The following TOP3A variants were observed in gnomAD, a reference collection of about 807,000 sequenced individuals.
TOP3A encodes DNA topoisomerase 3-alpha.
TOP3A carries 64 observed loss-of-function variants against 111.3 expected under a neutral mutation model. The observed-to-expected ratio is 0.57, with a 90% CI of 0.47 to 0.71. The LOEUF (loss-of-function observed/expected upper bound fraction) is 0.71. Ranked by LOEUF, TOP3A falls within the 30% of genes least tolerant of loss-of-function variation. The pLI, the probability that TOP3A is intolerant of heterozygous loss-of-function variation, is 0.00. For missense variants in TOP3A, 1,104 were observed against 1,285.0 expected (o/e 0.86, Z 2.15); for synonymous variants, 484 against 485.1 (o/e 1.00, Z 0.03).
chr17:18,288,155 T>TAAA (rs1567739509), intron 13 of TOP3A, among the ~76,000 whole-genome samples: 10 of 87,024 alleles, frequency 1.1e-4, no homozygotes, highest in African/African-American at 4.6e-4. Context: ...ATATAAATTT[T>TAAA]TTTTTTTTTT....
intron 11 of TOP3A, among the ~76,000 whole-genome samples, chr17:18,291,352 G>A (rs1180690903): frequency 1.3e-5 from 2 of 152,210 alleles, no homozygotes; most frequent in African/African-American, 4.8e-5. Context: ...TCAAATACAA[G>A]AGACAGCAAC....
intron 1 of TOP3A, among the ~76,000 whole-genome samples, chr17:18,314,370 A>G (rs942294864): frequency 4.6e-5 from 7 of 152,372 alleles, no homozygotes; most frequent in East Asian, 1.9e-4. Context: ...GCTAAGCGCA[A>G]GCAAAACAAA....
intron 15 of TOP3A, 56 bp downstream of exon 15, chr17:18,285,086 C>T: frequency 1.9e-6 from 3 of 1,591,020 alleles, no homozygotes; most frequent in South Asian, 2.2e-5. Flanking sequence ...GCCAGGAGTT[C>T]AAGACCAGCC....
chr17:18,311,194 G>A (rs1200326380), intron 1 of TOP3A, among the ~76,000 whole-genome samples: 2 of 151,882 alleles, frequency 1.3e-5, no homozygotes, highest in Non-Finnish European at 2.9e-5. Context: ...TAGAGACAGG[G>A]TTTCACCGTG....
chr17:18,301,175 G>A (rs1298801542), intron 8 of TOP3A, among the ~76,000 whole-genome samples: 1 of 152,188 alleles, frequency 6.6e-6, no homozygotes, highest in Non-Finnish European at 1.5e-5. Context: ...GCATGACTCT[G>A]TGCAGCCCCT....
intron 1 of TOP3A, among the ~76,000 whole-genome samples, chr17:18,313,913 C>T (rs1005206564): frequency 3.3e-5 from 5 of 152,216 alleles, no homozygotes; most frequent in African/African-American, 1.2e-4. Context: ...GAGATATTTT[C>T]CTGGACAGCT....
chr17:18,305,538 A>G (rs1183605876), intron 4 of TOP3A, among the ~76,000 whole-genome samples: 3 of 152,048 alleles, frequency 2.0e-5, no homozygotes, highest in Non-Finnish European at 4.4e-5. Context: ...ATTATGACCT[A>G]GTTAAAAAAA....
chr17:18,277,771 C>T lies in TOP3A; in HGVS notation c.2731G>A (p.Asp911Asn). The T allele has an allele frequency of 1.2e-6, 2 of 1,614,240 alleles. No individual in the cohort carries two copies. The highest frequency in any genetic ancestry group is 1.7e-6 in the Non-Finnish European group (2 of 1,180,050). ...AACTGGCGCCCCTTGTTGGGTCCAT[C>T]CTTCTGCACAGTCCGTGTGACGGAG... The part of the protein sequence containing the change: ...QPSVTRTVQK[D>N]GPNKGRQFHT... Residue 911 changes from aspartate to asparagine, a missense_variant, in exon 18 of 19, where the codon GAT becomes AAT. Transcript: ENST00000321105.
chr17:18,279,036 G>A (rs1005936651), intron 17 of TOP3A, among the ~76,000 whole-genome samples: 1 of 152,158 alleles, frequency 6.6e-6, no homozygotes, highest in Non-Finnish European at 1.5e-5. Context: ...GTATACAACG[G>A]AGTTTCCTGG....
Position 18,285,284 on chromosome 17 carries a change from T to C in TOP3A, c.1735A>G (p.Met579Val), listed in dbSNP as rs1475365637. Reference protein sequence around the residue: ...VEGYDSMGYEMSKPDLRAELE... With the variant: ...VEGYDSMGYEVSKPDLRAELE... ...TCAGCCCGGAGGTCAGGCTTAGACATTTCATAGCCCATGGAATCATAACCT... is the reference window on the plus strand; with the variant it reads ...TCAGCCCGGAGGTCAGGCTTAGACACTTCATAGCCCATGGAATCATAACCT... Residue 579 changes from methionine to valine, a missense_variant, in exon 15 of 19, where the codon ATG becomes GTG. Physicochemically the swap from Met to Val is conservative, Grantham distance 21 (BLOSUM62 1). Transcript: ENST00000321105. The C allele has an allele frequency of 6.2e-7, 1 of 1,614,130 alleles. No homozygotes were observed. Among genetic ancestry groups the C allele is most frequent in the South Asian group, 1.1e-5 (1 of 91,076 alleles).
intron 9 of TOP3A, among the ~76,000 whole-genome samples, chr17:18,295,467 A>T (rs572960014): frequency 1.2e-4 from 17 of 142,176 alleles, no homozygotes; most frequent in East Asian, 2.1e-4. Context: ...CATTTTAAAA[A>T]TTTTTTTATT....
intron 1 of TOP3A, 30 bp from the exon 2 acceptor site, chr17:18,308,971 A>C (rs1981751283): frequency 8.2e-7 from 1 of 1,226,068 alleles, no homozygotes; most frequent in East Asian, 2.6e-5. Context: ...AAAAAATATA[A>C]ATTACGTTTA....
At chr17:18,275,140 G>T (rs568238298) in intron 18 of TOP3A, among the ~76,000 whole-genome samples, 160 bp from the exon 19 acceptor site, 1 of 151,964 alleles carries the variant, frequency 6.6e-6, no homozygotes, top group Non-Finnish European at 1.5e-5. Context: ...GCAACATGGT[G>T]AAACCTTGTC....
At chr17:18,312,291 C>T (rs1440034500) in intron 1 of TOP3A, 1 of 152,466 alleles carries the variant, frequency 6.6e-6, no homozygotes, top group African/African-American at 2.4e-5. Context: ...TACTAAGAGA[C>T]CACCTACACT....
At chr17:18,275,954 C>T (rs1418305374) in intron 18 of TOP3A, among the ~76,000 whole-genome samples, 1 of 152,206 alleles carries the variant, frequency 6.6e-6, no homozygotes, top group Non-Finnish European at 1.5e-5. Context: ...CGCGCCCGAC[C>T]GGCTGAATCA....
chr17:18,291,545 C>T (rs1980476602), intron 11 of TOP3A, among the ~76,000 whole-genome samples: 1 of 152,112 alleles, frequency 6.6e-6, no homozygotes, highest in Admixed American at 6.5e-5. Context: ...AACTGGAGAA[C>T]CACAAAAATA....
intron 17 of TOP3A, 68 bp from the exon 18 acceptor site, chr17:18,278,425 G>A: frequency 7.1e-7 from 1 of 1,417,346 alleles, no homozygotes; most frequent in Admixed American, 2.5e-5. Context: ...GTCCAGTGAG[G>A]GCTGCTTTAG....
chr17:18,312,132 T>C (rs985031615), intron 1 of TOP3A: 13 of 152,354 alleles, frequency 8.5e-5, no homozygotes, highest in African/African-American at 2.7e-4. Flanking sequence ...CACCTGGGAT[T>C]GACCAGTTCA....
chr17:18,280,140 G>C (rs1490020470), intron 17 of TOP3A: 2 of 151,172 alleles, frequency 1.3e-5, no homozygotes, highest in African/African-American at 2.5e-5. Flanking sequence ...AACCCAGCGA[G>C]ACTGTCTTAA....
Sources: gnomAD v4.1 joint callset for allele counts (sites outside exome capture counted in the v4.1 genomes callset) on GRCh38, gnomAD v4.1.1 for gene constraint, MANE v1.5 for transcripts, NCBI Gene and HGNC (gene_info 2026-07-23, HGNC 2026-07-21) for gene names.